Variants in KLHL2 observed in about 807,000 individuals in gnomAD.
KLHL2 encodes the protein kelch-like protein 2.
Under a neutral mutation model 75.8 loss-of-function variants are expected in KLHL2, and 15 were observed. The observed-to-expected ratio is 0.20, with a 90% CI of 0.13 to 0.30. KLHL2 has a LOEUF of 0.30. Ranked by LOEUF, KLHL2 falls within the 10% of genes least tolerant of loss-of-function variation. The probability of loss-of-function intolerance (pLI) is 1.00; values close to 1 mark genes in which losing one functional copy is unlikely to be tolerated. For missense variants in KLHL2, 381 were observed against 741.0 expected (o/e 0.51, Z 5.64); for synonymous variants, 214 against 251.9 (o/e 0.85, Z 1.42).
At chr4:165,228,942 T>TA (rs1738666490) in intron 3 of KLHL2, 29 bp downstream of exon 3, 2 of 1,367,156 alleles carry the variant, frequency 1.5e-6, no homozygotes, top group Admixed American at 1.8e-5. Context: ...ATAGGCATTT[T>TA]AAAAAATGTA....
At chr4:165,313,464 A>G (rs2126575109) in intron 12 of KLHL2, 98 bp downstream of exon 12, 1 of 1,109,746 alleles carries the variant, frequency 9.0e-7, no homozygotes, top group East Asian at 3.0e-5. Context: ...ATCTGAAAAT[A>G]TATGATATGC....
intron 1 of KLHL2, among the ~76,000 whole-genome samples, chr4:165,215,342 G>T (rs1737468846): frequency 6.6e-6 from 1 of 152,162 alleles, no homozygotes. Context: ...TGTTAGTTAT[G>T]GTTGACTCTG....
intron 2 of KLHL2, among the ~76,000 whole-genome samples, chr4:165,224,291 T>A (rs950808061): frequency 2.0e-5 from 3 of 152,174 alleles, no homozygotes; most frequent in Non-Finnish European, 4.4e-5. Context: ...CTTTAACAAT[T>A]TCAATGAGTA....
intron 3 of KLHL2, among the ~76,000 whole-genome samples, chr4:165,237,519 C>A: frequency 6.6e-6 from 1 of 151,570 alleles, no homozygotes; most frequent in Non-Finnish European, 1.5e-5. Context: ...CAGGGAAGCA[C>A]GCAGTTTTGT....
At chr4:165,270,633 G>C (rs1354505604) in intron 5 of KLHL2, among the ~76,000 whole-genome samples, 1 of 152,168 alleles carries the variant, frequency 6.6e-6, no homozygotes, top group Non-Finnish European at 1.5e-5. Flanking sequence ...CTGTTTGCCT[G>C]GGTATCACCA....
chr4:165,320,610 T>G (rs752702963), intron 14 of KLHL2, among the ~76,000 whole-genome samples: 1 of 152,174 alleles, frequency 6.6e-6, no homozygotes, highest in Non-Finnish European at 1.5e-5. Context: ...AAATTGCCAG[T>G]GCTATGGAAG....
chr4:165,293,670 A>ATTTTTTTTTTTTTTTTTTTTTTTTTT (rs35736944), intron 5 of KLHL2, among the ~76,000 whole-genome samples: 1 of 125,990 alleles, frequency 7.9e-6, no homozygotes, highest in Non-Finnish European at 1.6e-5. Context: ...TGCCTGGCTA[A>ATTTTTTTTTTTTTTTTTTTTTTTTTT]TTTTTTTTTT....
chr4:165,300,043 C>T (rs1022305484), intron 8 of KLHL2, among the ~76,000 whole-genome samples: 9 of 152,120 alleles, frequency 5.9e-5, no homozygotes, highest in African/African-American at 2.2e-4. Flanking sequence ...AATCCCAGCA[C>T]TTTGTGAGAC....
At chr4:165,284,277 T>C (rs1281810167) in intron 5 of KLHL2, among the ~76,000 whole-genome samples, 1 of 152,206 alleles carries the variant, frequency 6.6e-6, no homozygotes, top group Non-Finnish European at 1.5e-5. Flanking sequence ...CTGCAAATTT[T>C]CCAAACTTTT....
At chr4:165,264,622 G>A (rs182074046) in intron 5 of KLHL2, among the ~76,000 whole-genome samples, 7 of 124,970 alleles carry the variant, frequency 5.6e-5, no homozygotes, top group Admixed American at 4.9e-4. Flanking sequence ...ACACACGTAC[G>A]TATATACACG....
At chr4:165,290,722 C>G (rs1477280451) in intron 5 of KLHL2, among the ~76,000 whole-genome samples, 1 of 152,078 alleles carries the variant, frequency 6.6e-6, no homozygotes, top group Non-Finnish European at 1.5e-5. Flanking sequence ...AATCCCAGCA[C>G]TTTGGGAGGC....
At chr4:165,275,404 C>T (rs1162749132) in intron 5 of KLHL2, among the ~76,000 whole-genome samples, 1 of 152,042 alleles carries the variant, frequency 6.6e-6, no homozygotes, top group Admixed American at 6.6e-5. Flanking sequence ...GCAAAAGACT[C>T]TTTGGAAATT....
At chr4:165,279,310 C>A (rs1427113648) in intron 5 of KLHL2, 4 of 1,553,838 alleles carry the variant, frequency 2.6e-6, no homozygotes, top group East Asian at 4.5e-5. Flanking sequence ...CAAGCCACAC[C>A]ACAGCATTGT....
intron 4 of KLHL2, among the ~76,000 whole-genome samples, chr4:165,262,525 C>A (rs934392286): frequency 6.6e-6 from 1 of 152,146 alleles, no homozygotes; most frequent in African/African-American, 2.4e-5. Context: ...AAACCATTTT[C>A]ATTGAATCAT....
At chr4:165,250,373 A>G (rs1740606281) in intron 4 of KLHL2, among the ~76,000 whole-genome samples, 1 of 151,922 alleles carries the variant, frequency 6.6e-6, no homozygotes, top group African/African-American at 2.4e-5. Context: ...GTTGTTAACA[A>G]CTCCTCAAGG....
chr4:165,252,963 G>T (rs1560772203), intron 4 of KLHL2, among the ~76,000 whole-genome samples: 1 of 152,136 alleles, frequency 6.6e-6, no homozygotes. Flanking sequence ...AGCATGCTCT[G>T]GTCCCTGACT....
chr4:165,315,267 A>C (rs80304746), intron 13 of KLHL2, among the ~76,000 whole-genome samples: 3,323 of 152,200 alleles, frequency 0.022, 110 homozygotes, highest in African/African-American at 0.074. Context: ...TTTTTTCTCT[A>C]TATGTGTTTA....
intron 8 of KLHL2, among the ~76,000 whole-genome samples, chr4:165,301,333 A>G (rs1745335351): frequency 6.6e-6 from 1 of 152,196 alleles, no homozygotes; most frequent in Non-Finnish European, 1.5e-5. Context: ...ATCATCACTT[A>G]ACAAAGTGTA....
chr4:165,291,906 T>C (rs535494953), intron 5 of KLHL2, among the ~76,000 whole-genome samples: 232 of 152,218 alleles, frequency 1.5e-3, no homozygotes, highest in Admixed American at 4.1e-3. Context: ...CCTAGCTCAC[T>C]GCAGCCTCAA....
Sources: allele counts gnomAD v4.1 joint callset (sites outside exome capture counted in the v4.1 genomes callset), GRCh38; gene constraint gnomAD v4.1.1; transcripts MANE v1.5; gene names NCBI Gene and HGNC (gene_info 2026-07-23, HGNC 2026-07-21).